Variants in PKHD1L1 observed in about 807,000 individuals in gnomAD.
PKHD1L1 encodes PKHD1 like 1, also known as fibrocystin-L.
In PKHD1L1, 434 loss-of-function variants were observed where a neutral mutation model predicts 462.9. The observed-to-expected ratio is 0.94, with a 90% CI of 0.87 to 1.02. PKHD1L1 has a LOEUF of 1.02. Ranked by LOEUF, PKHD1L1 falls within the 50% of genes least tolerant of loss-of-function variation. The pLI, the probability that PKHD1L1 is intolerant of heterozygous loss-of-function variation, is 0.00. For synonymous variants in PKHD1L1, 1,781 were observed against 1,750.0 expected, an observed-to-expected ratio of 1.02 and a Z score of -0.44; for missense variants, 5,202 against 5,096.1, an observed-to-expected ratio of 1.02 and a Z score of -0.63.
At chr8:109,380,646 T>C (rs1812063481) in intron 2 of PKHD1L1, among the ~76,000 whole-genome samples, 1 of 152,304 alleles carries the variant, frequency 6.6e-6, no homozygotes, top group East Asian at 1.9e-4. Context: ...TTGCCATTGA[T>C]TTTTTGATTT....
chr8:109,362,498 C>A lies in PKHD1L1; in HGVS notation c.-83C>A, dbSNP rs547219438. ...TCCCGGGACGAAGCGGGCCCGCCAG[C>A]GAGTCGCAGTCCCAGGAGCCGAGCT... On this transcript the variant is annotated 5_prime_UTR_variant, in exon 1 of 78. Coordinates refer to ENST00000378402, the MANE Select transcript of PKHD1L1 (RefSeq NM_177531.6). 1.0e-5 allele frequency: 14 copies of A among 1,354,878 alleles called. No homozygotes were observed. Among genetic ancestry groups the A allele is most frequent in the African/African-American group, 7.2e-5 (5 of 69,022 alleles). The allele number at this position is 1,354,878 out of a possible 1,614,324, so 83.9% of individuals were successfully genotyped here. A position where few individuals can be genotyped will look rare whatever the true frequency, so the allele number is the denominator to read the frequency against.
At chr8:109,396,649 A>G (rs1222531197) in intron 11 of PKHD1L1, among the ~76,000 whole-genome samples, 1 of 152,188 alleles carries the variant, frequency 6.6e-6, no homozygotes, top group Non-Finnish European at 1.5e-5. Flanking sequence ...TTACAAATCC[A>G]TGTAGGGCTT....
Position 109,440,695 on chromosome 8 carries a change from CA to C in PKHD1L1, c.3957-14del. ...TAGGAAGCTCATTGAAAAATCTATT[CA>C]TTTTTTTTCTCAGAGACAAATTAAA... On this transcript the variant is annotated splice_polypyrimidine_tract_variant and intron_variant, in intron 32 of 77. Transcript: ENST00000378402. The C allele has an allele frequency of 6.2e-7, 1 of 1,600,188 alleles. No homozygotes were observed. The highest frequency in any genetic ancestry group is 2.2e-5 in the East Asian group (1 of 44,662).
At chr8:109,474,477 A>G (rs1817879500) in intron 50 of PKHD1L1, among the ~76,000 whole-genome samples, 1 of 152,158 alleles carries the variant, frequency 6.6e-6, no homozygotes, top group African/African-American at 2.4e-5. Flanking sequence ...TTGTATTCCT[A>G]AAATGTATAT....
Position 109,497,213 on chromosome 8 carries a change from A to G in PKHD1L1, c.10540A>G (p.Met3514Val), listed in dbSNP as rs779542634. The G allele has an allele frequency of 1.2e-6, 2 of 1,613,600 alleles. No individual in the cohort carries two copies. The highest frequency in any genetic ancestry group is 1.7e-6 in the Non-Finnish European group (2 of 1,179,586). The stretch of plus-strand genomic sequence containing the variant: ...TGACAATGGAATGGCCATTTTTCCA[A>G]TGATTTACATGCCAGCTGCTATATC... ...LVDNGMAIFP[M>V]IYMPAAISHK... is the part of the protein sequence containing the mutation. The change falls in exon 65 of 78, where the codon ATG becomes GTG. Residue 3514 changes from methionine to valine, a missense_variant. By Grantham distance (21) the Met-to-Val change is conservative. Transcript: ENST00000378402.
intron 23 of PKHD1L1, among the ~76,000 whole-genome samples, chr8:109,424,392 G>T (rs1478449217): frequency 6.6e-6 from 1 of 152,076 alleles, no homozygotes; most frequent in Non-Finnish European, 1.5e-5. Flanking sequence ...TATGAATATA[G>T]CTGCTAGGAA....
At chr8:109,523,612 CA>C (rs1820671935) in intron 76 of PKHD1L1, among the ~76,000 whole-genome samples, 1 of 152,092 alleles carries the variant, frequency 6.6e-6, no homozygotes, top group Non-Finnish European at 1.5e-5. Context: ...CGAATTATAT[CA>C]TGATTTATCC....
chr8:109,416,017 G>C (rs1814150363), intron 21 of PKHD1L1, among the ~76,000 whole-genome samples: 1 of 151,980 alleles, frequency 6.6e-6, no homozygotes, highest in Non-Finnish European at 1.5e-5. Flanking sequence ...CAAATACTCT[G>C]ATCAATCAAT....
Position 109,489,935 on chromosome 8 carries a change from A to T in PKHD1L1, c.9881-17A>T. 2 of 1,487,752 alleles carry T rather than the reference A, an allele frequency of 1.3e-6. No individual in the cohort carries two copies. The highest frequency in any genetic ancestry group is 4.5e-5 in the East Asian group (2 of 44,064). 92.2% of individuals were successfully genotyped at this position (1,487,752 alleles called of 1,614,324 possible). On this transcript the variant is annotated splice_polypyrimidine_tract_variant and intron_variant, in intron 59 of 77. Transcript: ENST00000378402. ...CTGTTTTAAGAAAAACAAATTTTAA[A>T]TCTTTCCCTACCTTAGGAAATGCAA...
intron 53 of PKHD1L1, among the ~76,000 whole-genome samples, chr8:109,478,142 A>C (rs1818089297): frequency 1.3e-5 from 2 of 152,322 alleles, no homozygotes; most frequent in South Asian, 4.1e-4. Context: ...CTACTGTGTA[A>C]CAAGTACAAC....
rs562726098 is a variant in PKHD1L1 at position 109,383,126 on chromosome 8, T to TTA, written c.417+563_417+564dup. On this transcript the variant is annotated intron_variant, in intron 4 of 77. Coordinates refer to ENST00000378402, the MANE Select transcript of PKHD1L1 (RefSeq NM_177531.6). Reference sequence around the variant, plus strand: ...ATAAATAGTTATATATAATATATAGTTATATATATTATTGTATATATTATA... The same window carrying TTA: ...ATAAATAGTTATATATAATATATAGTTATATATATATTATTGTATATATTATA... 7.9e-3 allele frequency among the ~76,000 whole-genome samples: 757 copies of TTA among 96,410 alleles called. 5 individuals carry two copies. The highest frequency in any genetic ancestry group is 0.052 in the Middle Eastern group (11 of 212). The allele number at this position is 96,410 out of a possible 152,430, so 63.2% of individuals were successfully genotyped here.
At chr8:109,496,841 C>A in intron 63 of PKHD1L1, 78 bp from the exon 64 acceptor site, 1 of 1,435,336 alleles carries the variant, frequency 7.0e-7, no homozygotes. Context: ...ATTTTGTTAA[C>A]TTTAACTGAT....
chr8:109,458,980 G>A (rs951024506), intron 46 of PKHD1L1, among the ~76,000 whole-genome samples: 1 of 152,054 alleles, frequency 6.6e-6, no homozygotes, highest in African/African-American at 2.4e-5. Flanking sequence ...TGCTGTGGCT[G>A]GAATTTGGGG....
intron 2 of PKHD1L1, among the ~76,000 whole-genome samples, chr8:109,366,178 A>T (rs2130300668): frequency 6.6e-6 from 1 of 152,284 alleles, no homozygotes; most frequent in South Asian, 2.1e-4. Flanking sequence ...TTTTGTGTGG[A>T]CGTTCTGAGG....
At chr8:109,521,618 G>T (rs915107323) in intron 73 of PKHD1L1, among the ~76,000 whole-genome samples, 3 of 151,650 alleles carry the variant, frequency 2.0e-5, no homozygotes, top group Non-Finnish European at 4.4e-5. Context: ...GGGGCAGAAG[G>T]TTTAAGAGGA....
intron 2 of PKHD1L1, among the ~76,000 whole-genome samples, chr8:109,373,579 T>G (rs890150485): frequency 6.6e-6 from 1 of 152,212 alleles, no homozygotes; most frequent in Non-Finnish European, 1.5e-5. Context: ...CTTCTCTAGT[T>G]CTTTTAATTG....
In PKHD1L1 at chr8:109,486,888, TC is replaced by T. The variant is rs1818556544; in HGVS notation, c.9880+68del. 7 of 1,384,866 alleles carry T rather than the reference TC, an allele frequency of 5.1e-6. No individual in the cohort carries two copies. In the African/African-American group the frequency reaches 8.8e-5, roughly 17 times the overall value. The allele number at this position is 1,384,866 out of a possible 1,614,324, so 85.8% of individuals were successfully genotyped here. On this transcript the variant is annotated intron_variant, in intron 59 of 77. Coordinates refer to ENST00000378402, the MANE Select transcript of PKHD1L1 (RefSeq NM_177531.6). ...ATTATCTCATCTATATGTAGTCAGC[TC>T]TTACATAATTCTCACTTTTTTAATA...
chr8:109,462,479 T>C (rs1817194285), intron 48 of PKHD1L1, among the ~76,000 whole-genome samples: 1 of 152,110 alleles, frequency 6.6e-6, no homozygotes, highest in Non-Finnish European at 1.5e-5. Context: ...CATAGAGGAC[T>C]CCTTATGTGA....
chr8:109,530,034 T>G (rs1330587847), intron 77 of PKHD1L1, 46 bp from the exon 78 acceptor site: 2 of 1,153,626 alleles, frequency 1.7e-6, no homozygotes, highest in Admixed American at 3.2e-5. Context: ...TTATACTATA[T>G]GCTATTTCTA....
Sources: allele counts gnomAD v4.1 joint callset (sites outside exome capture counted in the v4.1 genomes callset), GRCh38; gene constraint gnomAD v4.1.1; transcripts MANE v1.5; gene names NCBI Gene and HGNC (gene_info 2026-07-23, HGNC 2026-07-21).